Variants in CYP2A7 observed in about 807,000 individuals in gnomAD.
CYP2A7 encodes cytochrome P450 2A7.
A neutral mutation model predicts 42.0 loss-of-function variants in CYP2A7; 36 were observed. The ratio of observed to expected loss-of-function variants is 0.86; its 90% CI spans 0.66 to 1.13. The LOEUF is 1.13. Among genes scored for constraint, CYP2A7 ranks in the 50% most tolerant of loss-of-function variants. The pLI, the probability that CYP2A7 is intolerant of heterozygous loss-of-function variation, is 0.00. For missense variants in CYP2A7, 661 were observed against 634.1 expected (o/e 1.04, Z -0.46); for synonymous variants, 260 against 249.5 (o/e 1.04, Z -0.40).
In CYP2A7 at chr19:40,875,849, G is replaced by A; in HGVS notation, c.1329C>T (p.Gly443=). ...AGAGAAAGAGCTCCATTCTGGCCAG[G>A]CCTTCTCCGAAACAGTTCCGCTTTC... The part of the protein sequence containing the change: ...SIGKRNCFGE[G]LARMELFLFF... Residue 443 remains glycine, a synonymous_variant, in exon 9 of 9, where the codon GGC becomes GGT. Transcript: ENST00000301146. 1.3e-6 allele frequency: 2 copies of A among 1,568,590 alleles called. No homozygotes were observed. The highest frequency in any genetic ancestry group is 1.7e-6 in the Non-Finnish European group (2 of 1,155,294).
In CYP2A7 at chr19:40,875,474, A is replaced by G. The variant is rs1158420761; in HGVS notation, c.*219T>C. The G allele has an allele frequency of 1.1e-4, 71 of 629,500 alleles. 1 individual carries two copies. The highest frequency in any genetic ancestry group is 3.5e-4 in the East Asian group (12 of 34,702). 39.0% of individuals were successfully genotyped at this position (629,500 alleles called of 1,614,324 possible). A position where few individuals can be genotyped will look rare whatever the true frequency, so the allele number is the denominator to read the frequency against. On this transcript the variant is annotated 3_prime_UTR_variant, in exon 9 of 9. Transcript: ENST00000301146. ...AGAGCTGCTATTATTACTACTCTTC[A>G]TAGCATAATGTAAGGTTTCCCTTCC... is the stretch of plus-strand genomic sequence containing the variant.
At chr19:40,881,458 G>C (rs1436500292) in intron 2 of CYP2A7, 131 bp downstream of exon 2, 3 of 1,482,882 alleles carry the variant, frequency 2.0e-6, no homozygotes, top group East Asian at 2.3e-5. Context: ...AGTGAAGGGA[G>C]ATGGGGAGAT....
intron 2 of CYP2A7, among the ~76,000 whole-genome samples, 185 bp from the exon 3 acceptor site, chr19:40,880,813 G>GAGAGAA (rs1568527954): frequency 4.4e-5 from 1 of 22,760 alleles, no homozygotes; most frequent in African/African-American, 1.3e-4. Context: ...GAGAGAGAGA[G>GAGAGAA]AGAGAGAGAG....
In CYP2A7 at chr19:40,875,971, G is replaced by A. The variant is rs1392440804; in HGVS notation, c.1304-97C>T. 6.1e-6 allele frequency: 9 copies of A among 1,482,468 alleles called. No individual in the cohort carries two copies. The African/African-American group carries it at 1.1e-4, about 19-fold the overall frequency. The allele number at this position is 1,482,468 out of a possible 1,614,324, so 91.8% of individuals were successfully genotyped here. ...CAGCTGCGGCTCTCCCAGGGAGGAG[G>A]GGTGGAATATTATGGCCTGAGAGAG... On this transcript the variant is annotated intron_variant, in intron 8 of 8. Transcript: ENST00000301146.
chr19:40,878,720 C>T (rs758910719), intron 5 of CYP2A7, 40 bp downstream of exon 5: 7 of 1,602,580 alleles, frequency 4.4e-6, no homozygotes, highest in Non-Finnish European at 6.0e-6. Context: ...TTTCCCTCTG[C>T]CTGGCTTTGC....
chr19:40,879,846 G>A (rs1967613358), intron 4 of CYP2A7, among the ~76,000 whole-genome samples: 1 of 150,440 alleles, frequency 6.6e-6, no homozygotes. Flanking sequence ...AGGTGAGAGA[G>A]CTGAGCTGAG....
intron 6 of CYP2A7, 69 bp from the exon 7 acceptor site, chr19:40,877,446 G>C (rs996221911): frequency 3.2e-6 from 5 of 1,577,578 alleles, no homozygotes; most frequent in Non-Finnish European, 4.3e-6. Flanking sequence ...GTCTGAATAG[G>C]TAAAACGGGG....
intron 4 of CYP2A7, 97 bp downstream of exon 4, chr19:40,879,987 C>G: frequency 6.4e-7 from 1 of 1,563,878 alleles, no homozygotes; most frequent in Non-Finnish European, 8.7e-7. Context: ...GGGACACTGT[C>G]TGGAGCGGGG....
At chr19:40,877,111 C>A in intron 7 of CYP2A7, 79 bp downstream of exon 7, 1 of 1,522,350 alleles carries the variant, frequency 6.6e-7, no homozygotes, top group South Asian at 1.1e-5. Context: ...GAGTAGAAAG[C>A]TTCTAATGGG....
chr19:40,877,619 C>CGGGCACTCAGT (rs1967567193), intron 6 of CYP2A7, among the ~76,000 whole-genome samples: 1 of 151,396 alleles, frequency 6.6e-6, no homozygotes, highest in African/African-American at 2.4e-5. Flanking sequence ...GAAGGGGCAG[C>CGGGCACTCAGT]GGGCACTCAG....
rs1174226859 is a variant in CYP2A7, at chr19:40,880,805, G to C, written c.344-177C>G. 4.5e-4 allele frequency among the ~76,000 whole-genome samples: 2 copies of C among 4,438 alleles called. 1 individual carries two copies. Among genetic ancestry groups the C allele is most frequent in the East Asian group, 0.011 (2 of 178 alleles). 2.9% of individuals were successfully genotyped at this position (4,438 alleles called of 152,430 possible). A position where few individuals can be genotyped will look rare whatever the true frequency, so the allele number is the denominator to read the frequency against. ...CAGTCAGAGAAACACGAGGGAGAGA[G>C]AGAGAGAGAGAGAGAGAGAGAGAGA... On this transcript the variant is annotated intron_variant, in intron 2 of 8. Coordinates refer to ENST00000301146, the MANE Select transcript of CYP2A7 (RefSeq NM_000764.3).
At position 40,876,571 on chromosome 19, in the gene CYP2A7, T is replaced by A. The variant is rs75152309; in HGVS notation, c.1259A>T (p.Lys420Met). ...AGCATCACTCTTCTTAAACTGCCCC[T>A]TGTCATCCAGGAAATGCTGGGGATT... is the stretch of plus-strand genomic sequence containing the variant. The part of the protein sequence containing the change: ...DFNPQHFLDD[K>M]GQFKKSDAFV... Residue 420 changes from lysine to methionine, a missense_variant, in exon 8 of 9, where the codon AAG becomes ATG. Lys to Met is a moderately conservative substitution (Grantham distance 95). Around this residue, in one of 3 missense-constraint regions of CYP2A7, gnomAD observed 614 missense variants for 552.4 expected, o/e 1.11. Coordinates refer to ENST00000301146, the MANE Select transcript of CYP2A7 (RefSeq NM_000764.3). The A allele has an allele frequency of 0.076, 122,215 of 1,612,830 alleles. 7,487 individuals carry two copies. The highest frequency in any genetic ancestry group is 0.078 in the African/African-American group (5,822 of 74,950).
chr19:40,877,268 T>C lies in CYP2A7; in HGVS notation c.1083A>G (p.Arg361=), dbSNP rs138643382. Residue 361 remains arginine (R), a synonymous_variant, in exon 7 of 9, where the codon AGA becomes AGG. Coordinates refer to ENST00000301146, the MANE Select transcript of CYP2A7 (RefSeq NM_000764.3). ...AACTCATGGGGATCACGTCTCCAAA[T>C]CTTTGGATCTCGTGGATCACTGCCT... ...YMEAVIHEIQ[R]FGDVIPMSLA... The C allele has an allele frequency of 1.2e-5, 20 of 1,612,660 alleles. No individual in the cohort carries two copies. The African/African-American group carries it at 2.4e-4, about 19-fold the overall frequency.
At position 40,882,223 on chromosome 19, in the gene CYP2A7, A is replaced by G. The variant is rs756096698; in HGVS notation, c.-13T>C. ...CTGAGGCCAGCATGGTGGTAGTGAGATGACAGATGGTGATGGGTGGGGTGG... is the reference window on the plus strand; with the variant it reads ...CTGAGGCCAGCATGGTGGTAGTGAGGTGACAGATGGTGATGGGTGGGGTGG... On this transcript the variant is annotated 5_prime_UTR_variant, in exon 1 of 9. Transcript: ENST00000301146. 125 of 1,612,210 alleles carry G rather than the reference A, an allele frequency of 7.8e-5. No homozygotes were observed. Among genetic ancestry groups the G allele is most frequent in the Non-Finnish European group, 1.0e-4 (121 of 1,178,810 alleles).
At chr19:40,881,992 C>T in intron 1 of CYP2A7, 39 bp downstream of exon 1, 3 of 1,593,342 alleles carry the variant, frequency 1.9e-6, no homozygotes, top group Non-Finnish European at 2.6e-6. Context: ...AACTAGGCAG[C>T]CCCCACCCTG....
At chr19:40,881,550 T>G in intron 2 of CYP2A7, 39 bp downstream of exon 2, 1 of 1,609,668 alleles carries the variant, frequency 6.2e-7, no homozygotes, top group Non-Finnish European at 8.5e-7. Flanking sequence ...GACCATCGTG[T>G]CCGCCTGGCC....
At chr19:40,881,422 G>T (rs1967682376) in intron 2 of CYP2A7, among the ~76,000 whole-genome samples, 167 bp downstream of exon 2, 2 of 151,626 alleles carry the variant, frequency 1.3e-5, no homozygotes, top group South Asian at 4.2e-4. Context: ...CTGGAGACAG[G>T]TGAGGGATAC....
At position 40,879,087 on chromosome 19, in the gene CYP2A7, T is replaced by G. The variant is rs763968130; in HGVS notation, c.655-151A>C. On this transcript the variant is annotated intron_variant, in intron 4 of 8. Transcript: ENST00000301146. ...ATTTCAGTGGGGTCGGATAGGAACT[T>G]ATATCTAAGTTTTCAGGAAGGTTAG... 4.3e-4 allele frequency: 533 copies of G among 1,235,574 alleles called. 9 individuals are homozygous for G. Among genetic ancestry groups the G allele is most frequent in the Non-Finnish European group, 5.6e-4 (507 of 904,308 alleles). The allele number at this position is 1,235,574 out of a possible 1,614,324, so 76.5% of individuals were successfully genotyped here.
At position 40,881,787 on chromosome 19, in the gene CYP2A7, GC is replaced by G. The variant is rs778715097; in HGVS notation, c.181-37del. On this transcript the variant is annotated intron_variant, in intron 1 of 8. Coordinates refer to ENST00000301146, the MANE Select transcript of CYP2A7 (RefSeq NM_000764.3). The stretch of plus-strand genomic sequence containing the variant: ...CGAGTGGGAGTGGTTAGAGGGAGCA[GC>G]CCCCACTCTGAATGGGGCCCAGCAC... 2.5e-6 allele frequency: 4 copies of G among 1,600,360 alleles called. No homozygotes were observed. In the South Asian group the frequency reaches 4.5e-5, roughly 18 times the overall value.
Sources: allele counts gnomAD v4.1 joint callset (sites outside exome capture counted in the v4.1 genomes callset), GRCh38; gene constraint gnomAD v4.1.1; regional missense constraint gnomAD v4.1.1; transcripts MANE v1.5; gene names NCBI Gene and HGNC (gene_info 2026-07-23, HGNC 2026-07-21).